C13orf42: variants seen among roughly 807,000 people sequenced by gnomAD.
C13orf42 encodes the protein chromosome 13 open reading frame 42.
chr13:51,113,925 A>C (rs1006103509), upstream of C13orf42, among the ~76,000 whole-genome samples: 1 of 152,238 alleles, frequency 6.6e-6, no homozygotes, highest in African/African-American at 2.4e-5. Context: ...GGCTCAGACC[A>C]GATTTCCTCT....
At chr13:51,110,482 C>T (rs559672686) in intron 1 of C13orf42, among the ~76,000 whole-genome samples, 3 of 152,276 alleles carry the variant, frequency 2.0e-5, no homozygotes, top group South Asian at 4.2e-4. Context: ...AGGCACTATG[C>T]TTATTACCTG....
intron 1 of C13orf42, among the ~76,000 whole-genome samples, chr13:51,123,025 C>T (rs551757438): frequency 1.3e-5 from 2 of 152,302 alleles, no homozygotes; most frequent in East Asian, 3.9e-4. Context: ...TTGCCCACTG[C>T]TGTATCTCCC....
chr13:51,117,728 T>G (rs931183835), intron 1 of C13orf42, among the ~76,000 whole-genome samples: 1 of 152,204 alleles, frequency 6.6e-6, no homozygotes, highest in African/African-American at 2.4e-5. Context: ...TTCTCTAATT[T>G]AAGGCTATCA....
chr13:51,091,744 G>A (rs867869907), intron 1 of C13orf42, among the ~76,000 whole-genome samples: 1 of 152,112 alleles, frequency 6.6e-6, no homozygotes, highest in African/African-American at 2.4e-5. Context: ...AGGGGCCCAC[G>A]ATCTCCACCT....
chr13:51,099,293 GA>G (rs1477336316), intron 1 of C13orf42, among the ~76,000 whole-genome samples: 5 of 151,898 alleles, frequency 3.3e-5, no homozygotes, highest in Admixed American at 6.6e-5. Flanking sequence ...AGACTAGGAA[GA>G]AAAAAACTTA....
chr13:51,094,714 T>G (rs766131582), intron 1 of C13orf42, among the ~76,000 whole-genome samples: 5 of 152,224 alleles, frequency 3.3e-5, no homozygotes, highest in Admixed American at 6.5e-5. Context: ...ATACTTCTTT[T>G]GCTTTCATGT....
intron 1 of C13orf42, among the ~76,000 whole-genome samples, chr13:51,154,695 GCATT>G (rs1953811565): frequency 6.6e-6 from 1 of 152,196 alleles, no homozygotes; most frequent in Non-Finnish European, 1.5e-5. Context: ...ATCAATGCAT[GCATT>G]ATTTCTTCCA....
At chr13:51,129,962 T>C (rs1953603993) in intron 1 of C13orf42, among the ~76,000 whole-genome samples, 2 of 152,226 alleles carry the variant, frequency 1.3e-5, no homozygotes, top group Admixed American at 1.3e-4. Flanking sequence ...CTTTTCACAA[T>C]GGCAGCCCGG....
intron 1 of C13orf42, among the ~76,000 whole-genome samples, chr13:51,132,199 T>C (rs1455794398): frequency 1.3e-5 from 2 of 152,154 alleles, no homozygotes; most frequent in Non-Finnish European, 2.9e-5. Flanking sequence ...TCCCAGCACT[T>C]TGGGAGGCCG....
In C13orf42 at chr13:51,082,278, C is replaced by T. The variant is rs1043802185; in HGVS notation, c.*1873G>A. The T allele has an allele frequency of 6.6e-6, 1 of 152,170 alleles. No individual in the cohort carries two copies. The highest frequency in any genetic ancestry group is 6.5e-5 in the Admixed American group (1 of 15,270). The allele number at this position is 152,170 out of a possible 1,614,324, so 9.4% of individuals were successfully genotyped here. A position where few individuals can be genotyped will look rare whatever the true frequency, so the allele number is the denominator to read the frequency against. On this transcript the variant is annotated 3_prime_UTR_variant, in exon 4 of 4. Transcript: ENST00000563710. ...CCAAAGACAAGACAACCTTCTGTTTCCCAATCATGGAATTTTTCAGGCTGT... is the reference window on the plus strand; with the variant it reads ...CCAAAGACAAGACAACCTTCTGTTTTCCAATCATGGAATTTTTCAGGCTGT...
At chr13:51,114,174 TTGC>T (rs1953463188), upstream of C13orf42, among the ~76,000 whole-genome samples, 1 of 152,180 alleles carries the variant, frequency 6.6e-6, no homozygotes, top group African/African-American at 2.4e-5. Flanking sequence ...TCTTGTGGTG[TTGC>T]TCATGACTGG....
Position 51,093,564 on chromosome 13 carries a change from T to C in C13orf42, c.415-5489A>G, listed in dbSNP as rs149384644. Among the ~76,000 whole-genome samples the C allele has an allele frequency of 7.4e-4, 113 of 152,316 alleles. 1 individual carries two copies. Among genetic ancestry groups the C allele is most frequent in the Admixed American group, 6.9e-3 (105 of 15,300 alleles). On this transcript the variant is annotated intron_variant, in intron 1 of 3. Transcript: ENST00000563710. ...ATTTAAAGGTTTAATTCAATTCAGA[T>C]TTAATTTTTTAAATAATAAGGTTAG...
At chr13:51,086,477 T>A (rs1190849276) in intron 2 of C13orf42, among the ~76,000 whole-genome samples, 1 of 150,724 alleles carries the variant, frequency 6.6e-6, no homozygotes, top group Non-Finnish European at 1.5e-5. Context: ...TATGTGAGAG[T>A]GTGTGTGTGT....
intron 1 of C13orf42, among the ~76,000 whole-genome samples, chr13:51,147,738 C>CAAACAAAAAAAAA (rs1388180460): frequency 4.0e-5 from 6 of 151,742 alleles, no homozygotes; most frequent in African/African-American, 1.5e-4. Flanking sequence ...CAAAAAAAAA[C>CAAACAAAAAAAAA]AACGAAGGGG....
rs546912739 is a variant in C13orf42 at position 51,091,980 on chromosome 13, G to A, written c.415-3905C>T. Among the ~76,000 whole-genome samples, 11 of 152,144 alleles carry A rather than the reference G, an allele frequency of 7.2e-5. 1 individual carries two copies. Among genetic ancestry groups the A allele is most frequent in the Non-Finnish European group, 1.5e-4 (10 of 68,016 alleles). ...TAGCACACAGAGAGGCCCAGGTAAC[G>A]AGACTCCATCCATCCCCTGCTGCTC... is the stretch of plus-strand genomic sequence containing the variant. On this transcript the variant is annotated intron_variant, in intron 1 of 3. Coordinates refer to ENST00000563710, the MANE Select transcript of C13orf42 (RefSeq NM_001351589.3).
At chr13:51,095,409 C>G (rs1953222422) in intron 1 of C13orf42, among the ~76,000 whole-genome samples, 1 of 151,922 alleles carries the variant, frequency 6.6e-6, no homozygotes, top group Non-Finnish European at 1.5e-5. Flanking sequence ...GCCATTGTTC[C>G]CTCAAATATT....
At chr13:51,140,659 T>A (rs569181537) in intron 1 of C13orf42, among the ~76,000 whole-genome samples, 4 of 152,136 alleles carry the variant, frequency 2.6e-5, no homozygotes, top group Admixed American at 1.3e-4. Flanking sequence ...AAACTCCTCA[T>A]TATTATTATT....
intron 1 of C13orf42, among the ~76,000 whole-genome samples, chr13:51,164,363 T>C (rs1177153779): frequency 1.3e-5 from 2 of 152,096 alleles, no homozygotes; most frequent in Admixed American, 6.5e-5. Context: ...TAATGCACCA[T>C]TAAAAACATA....
intron 1 of C13orf42, among the ~76,000 whole-genome samples, chr13:51,109,816 T>C (rs1009918865): frequency 1.3e-5 from 2 of 152,096 alleles, no homozygotes; most frequent in Admixed American, 6.5e-5. Flanking sequence ...GGCTCATAAT[T>C]AAAATTAGGT....
Sources: gnomAD v4.1 joint callset for allele counts (sites outside exome capture counted in the v4.1 genomes callset) on GRCh38, gnomAD v4.1.1 for gene constraint, MANE v1.5 for transcripts, NCBI Gene and HGNC (gene_info 2026-07-23, HGNC 2026-07-21) for gene names.